SYT16: variants seen among roughly 807,000 people sequenced by gnomAD.
SYT16 encodes the protein synaptotagmin 16.
In SYT16, 42 loss-of-function variants were observed where a neutral mutation model predicts 61.4. The observed-to-expected ratio is 0.68, with a 90% CI of 0.53 to 0.89. The LOEUF (loss-of-function observed/expected upper bound fraction) is 0.89. Among genes scored for constraint, SYT16 ranks in the 40% least tolerant of loss-of-function variants. The probability of loss-of-function intolerance (pLI) is 0.00; values close to 1 mark genes in which losing one functional copy is unlikely to be tolerated. For synonymous variants in SYT16, 314 were observed against 302.3 expected (o/e 1.04, Z -0.40); for missense variants, 804 against 807.3 (o/e 1.00, Z 0.05).
chr14:61,874,100 G>A (rs1036487007), intron 1 of SYT16, among the ~76,000 whole-genome samples: 1 of 152,218 alleles, frequency 6.6e-6, no homozygotes, highest in Admixed American at 6.5e-5. Context: ...AGCTGCTGAT[G>A]GCACCAGCGT....
chr14:61,864,971 A>G (rs2047094697), intron 1 of SYT16: 1 of 1,364,946 alleles, frequency 7.3e-7, no homozygotes, highest in African/African-American at 1.4e-5. Flanking sequence ...AATTGCTGCG[A>G]GTCTGGGCCC....
At chr14:61,985,333 G>A (rs922866083) in intron 2 of SYT16, among the ~76,000 whole-genome samples, 2 of 152,170 alleles carry the variant, frequency 1.3e-5, no homozygotes, top group African/African-American at 4.8e-5. Context: ...TATGAATGCT[G>A]ATGTGTTCAT....
At chr14:61,926,256 A>AAGTT (rs111602118) in intron 1 of SYT16, among the ~76,000 whole-genome samples, 138,169 of 151,938 alleles carry the variant, frequency 0.91, 62,957 homozygotes, top group South Asian at 0.98. Context: ...CAAAGAGTCA[A>AAGTT]AGAGTATGTG....
intron 3 of SYT16, among the ~76,000 whole-genome samples, chr14:62,067,635 A>T (rs2056116019): frequency 6.6e-6 from 1 of 152,022 alleles, no homozygotes; most frequent in Non-Finnish European, 1.5e-5. Flanking sequence ...AGAAGAGGAA[A>T]CTCTAGCATA....
intron 1 of SYT16, among the ~76,000 whole-genome samples, chr14:61,961,520 C>T (rs972629297): frequency 6.6e-6 from 1 of 152,130 alleles, no homozygotes; most frequent in African/African-American, 2.4e-5. Context: ...AAAAAATGCT[C>T]AATGTCACTA....
intron 1 of SYT16, among the ~76,000 whole-genome samples, chr14:61,895,962 G>T (rs1594855304): frequency 1.3e-5 from 2 of 152,218 alleles, no homozygotes; most frequent in South Asian, 2.1e-4. Flanking sequence ...CGTGGGGACA[G>T]TGTGGTTCAT....
At chr14:61,911,629 T>C (rs1047078123) in intron 1 of SYT16, among the ~76,000 whole-genome samples, 2 of 152,184 alleles carry the variant, frequency 1.3e-5, no homozygotes, top group African/African-American at 4.8e-5. Flanking sequence ...GCTTAAAAAA[T>C]TGAAAGCATT....
intron 3 of SYT16, among the ~76,000 whole-genome samples, chr14:62,043,042 G>C (rs1441130780): frequency 2.7e-5 from 4 of 150,628 alleles, no homozygotes; most frequent in Non-Finnish European, 5.9e-5. Context: ...ACCTTGATCA[G>C]AAACAGAAGT....
chr14:61,844,677 T>C (rs1225607003), intron 1 of SYT16, among the ~76,000 whole-genome samples: 1 of 152,214 alleles, frequency 6.6e-6, no homozygotes, highest in East Asian at 1.9e-4. Context: ...TGATATGATA[T>C]ACCACACTGA....
intron 3 of SYT16, among the ~76,000 whole-genome samples, chr14:62,005,770 TG>T (rs1244324731): frequency 1.3e-5 from 2 of 152,264 alleles, no homozygotes; most frequent in Non-Finnish European, 2.9e-5. Flanking sequence ...CAAAACATTG[TG>T]GGGAACAGAC....
At chr14:62,058,944 A>C (rs940872137) in intron 3 of SYT16, among the ~76,000 whole-genome samples, 2 of 152,300 alleles carry the variant, frequency 1.3e-5, no homozygotes, top group South Asian at 2.1e-4. Flanking sequence ...GCTGGAGGCC[A>C]TTATCCTTAG....
At chr14:62,076,151 T>C (rs6573418) in intron 5 of SYT16, among the ~76,000 whole-genome samples, 8,192 of 152,222 alleles carry the variant, frequency 0.054, 761 homozygotes, top group African/African-American at 0.18. Context: ...GTGATAAGGA[T>C]TTTACCAAAT....
chr14:62,084,110 A>G (rs2056804041), intron 6 of SYT16, 86 bp from the exon 7 acceptor site: 50 of 1,493,478 alleles, frequency 3.3e-5, no homozygotes, highest in Non-Finnish European at 2.5e-5. Context: ...ATTGGGTCAC[A>G]ATTTCACCAA....
intron 1 of SYT16, chr14:61,864,895 G>A: frequency 7.3e-6 from 9 of 1,240,566 alleles, no homozygotes; most frequent in East Asian, 2.3e-5. Context: ...CCAACTGCGC[G>A]GATGGCGGGA....
In SYT16 at chr14:61,971,319, T is replaced by C. The variant is rs540144750; in HGVS notation, c.-145+1008T>C. 2.3e-4 allele frequency among the ~76,000 whole-genome samples: 35 copies of C among 152,260 alleles called. 1 individual carries two copies. In the South Asian group the frequency reaches 6.9e-3, roughly 30 times the overall value. ...GAAATTGAGGAGTGGCTTAGTTGGG[T>C]GATTCTAGATCAGGGTCTGTTGTAA... On this transcript the variant is annotated intron_variant, in intron 2 of 7. Transcript: ENST00000683842.
At chr14:61,834,428 C>CTTTTTTTTTTTTTTT (rs35260303) in intron 1 of SYT16, among the ~76,000 whole-genome samples, 1 of 76,878 alleles carries the variant, frequency 1.3e-5, no homozygotes, top group African/African-American at 6.5e-5. Context: ...CCGTGCCTGG[C>CTTTTTTTTTTTTTTT]TTTTTTTTTT....
chr14:62,090,097 T>A (rs966116675), intron 7 of SYT16, among the ~76,000 whole-genome samples: 4 of 152,224 alleles, frequency 2.6e-5, no homozygotes, highest in African/African-American at 7.2e-5. Context: ...ACTGCTATGT[T>A]TCAAAAAAGT....
intron 1 of SYT16, among the ~76,000 whole-genome samples, chr14:61,940,827 G>T (rs553770350): frequency 6.6e-6 from 1 of 152,122 alleles, no homozygotes; most frequent in Non-Finnish European, 1.5e-5. Flanking sequence ...CAGACCGGCT[G>T]TTCCTAGATC....
intron 1 of SYT16, among the ~76,000 whole-genome samples, chr14:61,856,813 G>T (rs1207260303): frequency 6.6e-6 from 1 of 152,174 alleles, no homozygotes; most frequent in Non-Finnish European, 1.5e-5. Context: ...AGTAAGCATA[G>T]GCATGGGAGA....
Sources: allele counts gnomAD v4.1 joint callset (sites outside exome capture counted in the v4.1 genomes callset), GRCh38; gene constraint gnomAD v4.1.1; transcripts MANE v1.5; gene names NCBI Gene and HGNC (gene_info 2026-07-23, HGNC 2026-07-21).